GALNT18: variants seen among roughly 807,000 people sequenced by gnomAD.
GALNT18 encodes the protein GalNAc-transferase 18.
GALNT18 carries 44 observed loss-of-function variants against 69.5 expected under a neutral mutation model. The ratio of observed to expected loss-of-function variants is 0.63; its 90% CI spans 0.50 to 0.81. GALNT18 has a LOEUF of 0.81. Ranked by LOEUF, GALNT18 falls within the 40% of genes least tolerant of loss-of-function variation. The pLI is 0.00. For missense variants in GALNT18, 715 were observed against 810.0 expected, an observed-to-expected ratio of 0.88 and a Z score of 1.42; for synonymous variants, 364 against 318.2, an observed-to-expected ratio of 1.14 and a Z score of -1.53.
chr11:11,479,926 G>C (rs1164481330), intron 1 of GALNT18, among the ~76,000 whole-genome samples: 1 of 152,228 alleles, frequency 6.6e-6, no homozygotes, highest in East Asian at 1.9e-4. Flanking sequence ...GCACTGTGGA[G>C]AGGTAAGTTA....
chr11:11,327,649 G>A (rs1849947455), intron 8 of GALNT18, among the ~76,000 whole-genome samples: 1 of 152,222 alleles, frequency 6.6e-6, no homozygotes, highest in Non-Finnish European at 1.5e-5. Flanking sequence ...GCCCCTTGGT[G>A]GCCCACTGCT....
At position 11,301,884 on chromosome 11, in the gene GALNT18, C is replaced by A. The variant is rs578004559; in HGVS notation, c.1513-8691G>T. Among the ~76,000 whole-genome samples the A allele has an allele frequency of 2.0e-5, 3 of 152,254 alleles. No individual in the cohort carries two copies. The East Asian group carries it at 5.8e-4, about 29-fold the overall frequency. Reference sequence around the variant, plus strand: ...GAGGATGGGTAGAATATACTCATGGCCAGGCTTATAACAGATGAGTGGGCA... The same window carrying A: ...GAGGATGGGTAGAATATACTCATGGACAGGCTTATAACAGATGAGTGGGCA... On this transcript the variant is annotated intron_variant, in intron 9 of 10. Transcript: ENST00000227756.
chr11:11,558,213 T>A (rs959029089), intron 1 of GALNT18, among the ~76,000 whole-genome samples: 10 of 152,228 alleles, frequency 6.6e-5, no homozygotes, highest in Non-Finnish European at 1.3e-4. Flanking sequence ...TGATGGTGAA[T>A]CTTATGATCA....
chr11:11,518,861 T>C (rs1030010849), intron 1 of GALNT18, among the ~76,000 whole-genome samples: 6 of 152,214 alleles, frequency 3.9e-5, no homozygotes, highest in African/African-American at 1.4e-4. Context: ...CCCAGGGCCA[T>C]GGTCCTCAGA....
At chr11:11,304,004 A>G (rs1849537942) in intron 9 of GALNT18, among the ~76,000 whole-genome samples, 1 of 152,200 alleles carries the variant, frequency 6.6e-6, no homozygotes, top group Admixed American at 6.5e-5. Flanking sequence ...CAAATGGTCT[A>G]TGCTCTGGGA....
intron 1 of GALNT18, among the ~76,000 whole-genome samples, chr11:11,585,364 T>C (rs1859188402): frequency 6.6e-6 from 1 of 151,946 alleles, no homozygotes; most frequent in South Asian, 2.1e-4. Context: ...CTTTTTTTTT[T>C]TTTTTTCCGA....
intron 2 of GALNT18, among the ~76,000 whole-genome samples, chr11:11,443,289 A>G (rs1855572725): frequency 6.6e-6 from 1 of 151,928 alleles, no homozygotes; most frequent in African/African-American, 2.4e-5. Context: ...TGACCTCCCA[A>G]AAGATGTCCC....
intron 10 of GALNT18, among the ~76,000 whole-genome samples, chr11:11,279,791 C>T (rs1849030079): frequency 1.3e-5 from 2 of 152,210 alleles, no homozygotes; most frequent in African/African-American, 2.4e-5. Flanking sequence ...GCTAGCAGTC[C>T]TATTTCCTGA....
At chr11:11,385,469 G>A (rs1854031054) in intron 3 of GALNT18, among the ~76,000 whole-genome samples, 1 of 152,010 alleles carries the variant, frequency 6.6e-6, no homozygotes, top group African/African-American at 2.4e-5. Flanking sequence ...CTAATTTTTT[G>A]TATTTTTAGT....
intron 1 of GALNT18, among the ~76,000 whole-genome samples, chr11:11,557,629 G>A (rs1419712157): frequency 6.6e-6 from 1 of 152,182 alleles, no homozygotes; most frequent in Non-Finnish European, 1.5e-5. Context: ...ACGCTGTGTG[G>A]CACACGCTGA....
At chr11:11,537,210 A>G (rs1021700523) in intron 1 of GALNT18, among the ~76,000 whole-genome samples, 12 of 115,644 alleles carry the variant, frequency 1.0e-4, no homozygotes, top group African/African-American at 4.4e-4. Context: ...GCCTAAAGTC[A>G]CACAGTTAAT....
At chr11:11,611,753 A>G (rs1230571630) in intron 1 of GALNT18, among the ~76,000 whole-genome samples, 2 of 152,168 alleles carry the variant, frequency 1.3e-5, no homozygotes, top group Non-Finnish European at 2.9e-5. Context: ...GTCACAATGA[A>G]TCTGAAAGAG....
At chr11:11,376,799 C>T (rs1589951262) in intron 5 of GALNT18, among the ~76,000 whole-genome samples, 1 of 152,182 alleles carries the variant, frequency 6.6e-6, no homozygotes, top group African/African-American at 2.4e-5. Flanking sequence ...AGCATTTCCC[C>T]GCTTTCAATG....
Position 11,511,753 on chromosome 11 carries a change from CT to C in GALNT18, c.236-62818del, listed in dbSNP as rs1293529004. The stretch of plus-strand genomic sequence containing the variant: ...CCTTCTAAGAAGAGGCCAGAGAGCT[CT>C]CCCAGTCTCTTTTTGCCATGTGAGG... On this transcript the variant is annotated intron_variant, in intron 1 of 10. Transcript: ENST00000227756. The surrounding 1 kb of genome is among the most constrained non-coding windows in gnomAD (Gnocchi z 4.9). Among the ~76,000 whole-genome samples, 3 of 152,112 alleles carry C rather than the reference CT, an allele frequency of 2.0e-5. No individual in the cohort carries two copies. The highest frequency in any genetic ancestry group is 7.2e-5 in the African/African-American group (3 of 41,430).
intron 1 of GALNT18, among the ~76,000 whole-genome samples, chr11:11,460,018 G>A (rs1856006224): frequency 6.6e-6 from 1 of 152,096 alleles, no homozygotes; most frequent in Non-Finnish European, 1.5e-5. Context: ...ACCACAGTGG[G>A]TCAAGTCCAT....
rs1856515477 is a variant in GALNT18 at position 11,480,993 on chromosome 11, T to C, written c.236-32057A>G. ...GACACATCCCAGGACTGATGTGCCATAGGAAATGCTGTCTTCCATCATCTT... is the reference window on the plus strand; with the variant it reads ...GACACATCCCAGGACTGATGTGCCACAGGAAATGCTGTCTTCCATCATCTT... On this transcript the variant is annotated intron_variant, in intron 1 of 10. Coordinates refer to ENST00000227756, the MANE Select transcript of GALNT18 (RefSeq NM_198516.3). The surrounding 1 kb of genome is among the most constrained non-coding windows in gnomAD (Gnocchi z 4.6). Among the ~76,000 whole-genome samples the C allele has an allele frequency of 6.6e-6, 1 of 152,156 alleles. No individual in the cohort carries two copies. The highest frequency in any genetic ancestry group is 1.5e-5 in the Non-Finnish European group (1 of 68,012).
At chr11:11,365,693 T>A (rs1459563246) in intron 6 of GALNT18, among the ~76,000 whole-genome samples, 2 of 152,228 alleles carry the variant, frequency 1.3e-5, no homozygotes, top group Non-Finnish European at 2.9e-5. Flanking sequence ...CTGACTGGTG[T>A]GAGATGGTAT....
intron 10 of GALNT18, among the ~76,000 whole-genome samples, chr11:11,283,744 A>AAC (rs1303361110): frequency 6.6e-6 from 1 of 152,180 alleles, no homozygotes; most frequent in Non-Finnish European, 1.5e-5. Context: ...ATAATCTGGA[A>AAC]ACACACAATA....
At chr11:11,508,174 T>G (rs539353355) in intron 1 of GALNT18, among the ~76,000 whole-genome samples, 1 of 152,346 alleles carries the variant, frequency 6.6e-6, no homozygotes, top group Non-Finnish European at 1.5e-5. Flanking sequence ...GCTCAAGCAT[T>G]GCATTTGCTT....
Sources: allele counts gnomAD v4.1 joint callset (sites outside exome capture counted in the v4.1 genomes callset), GRCh38; gene constraint gnomAD v4.1.1; non-coding constraint Gnocchi (gnomAD v3.1); transcripts MANE v1.5; gene names NCBI Gene and HGNC (gene_info 2026-07-23, HGNC 2026-07-21).